Variants in GFRA1 observed in about 807,000 individuals in gnomAD.
The protein encoded by GFRA1 is GDNF family receptor alpha 1.
GFRA1 carries 16 observed loss-of-function variants against 51.6 expected under a neutral mutation model. The observed-to-expected ratio is 0.31, with a 90% confidence interval of 0.21 to 0.47. The LOEUF is 0.47. Ranked by LOEUF, GFRA1 falls within the 20% of genes least tolerant of loss-of-function variation. GFRA1 has a pLI of 1.00. For missense variants in GFRA1, 530 were observed against 594.3 expected (o/e 0.89, Z 1.13); for synonymous variants, 270 against 241.3 (o/e 1.12, Z -1.10).
At chr10:116,085,692 C>CT (rs1316720206) in intron 9 of GFRA1, among the ~76,000 whole-genome samples, 30 of 152,154 alleles carry the variant, frequency 2.0e-4, no homozygotes, top group Middle Eastern at 3.2e-3. Context: ...TCTCTCATCC[C>CT]CCCCATCCTC....
intron 5 of GFRA1, among the ~76,000 whole-genome samples, chr10:116,197,571 C>T (rs762414158): frequency 2.0e-5 from 3 of 152,054 alleles, no homozygotes; most frequent in East Asian, 1.9e-4. Context: ...ATATAATACA[C>T]GTGCACACAC....
At chr10:116,107,119 CA>C (rs1331380505) in intron 6 of GFRA1, among the ~76,000 whole-genome samples, 2 of 152,180 alleles carry the variant, frequency 1.3e-5, no homozygotes, top group Non-Finnish European at 2.9e-5. Flanking sequence ...CTCTTTATAG[CA>C]ATGCAAGAAT....
intron 3 of GFRA1, among the ~76,000 whole-genome samples, chr10:116,269,810 A>C (rs1843753163): frequency 6.6e-6 from 1 of 152,168 alleles, no homozygotes; most frequent in African/African-American, 2.4e-5. Context: ...ATTGGAGAAC[A>C]ACCCAGCCCT....
chr10:116,187,839 A>G (rs1431508990), intron 5 of GFRA1, among the ~76,000 whole-genome samples: 1 of 152,060 alleles, frequency 6.6e-6, no homozygotes, highest in Non-Finnish European at 1.5e-5. Flanking sequence ...AGGCAGCAGT[A>G]AGTTTGCGTT....
At chr10:116,147,600 A>G (rs1463621301) in intron 5 of GFRA1, among the ~76,000 whole-genome samples, 2 of 152,158 alleles carry the variant, frequency 1.3e-5, no homozygotes, top group Admixed American at 1.3e-4. Flanking sequence ...CATGTCAAAG[A>G]ATGACACAGA....
At chr10:116,112,847 C>T (rs1045704850) in intron 6 of GFRA1, among the ~76,000 whole-genome samples, 132 of 152,338 alleles carry the variant, frequency 8.7e-4, no homozygotes, top group African/African-American at 3.2e-3. Context: ...GCAGACATCC[C>T]ACAGCCTCAG....
Position 116,271,013 on chromosome 10 carries a change from G to A in GFRA1, c.143C>T (p.Thr48Met), listed in dbSNP as rs753551884. Residue 48 changes from threonine (T) to methionine (M), a missense_variant, in exon 3 of 11, where the codon ACG becomes ATG. Physicochemically the swap from Thr to Met is moderately conservative, Grantham distance 81 (BLOSUM62 -1). Coordinates refer to ENST00000355422, the MANE Select transcript of GFRA1 (RefSeq NM_005264.8). Reference protein sequence around the residue: ...KEQSCSTKYRTLRQCVAGKET... With the variant: ...KEQSCSTKYRMLRQCVAGKET... ...CTTGCCCGCCACGCACTGCCTTAGC[G>A]TGCGGTACTTGGTGCTGCAGCTCTG... 8.7e-6 allele frequency: 14 copies of A among 1,614,222 alleles called. No homozygotes were observed. The South Asian group carries it at 1.4e-4, about 16-fold the overall frequency.
At chr10:116,072,312 G>A (rs982135200) in intron 9 of GFRA1, among the ~76,000 whole-genome samples, 1 of 152,178 alleles carries the variant, frequency 6.6e-6, no homozygotes, top group Non-Finnish European at 1.5e-5. Context: ...AGTGTGGCCC[G>A]TGGAGTGGGT....
At chr10:116,092,375 G>A (rs375845141) in intron 8 of GFRA1, among the ~76,000 whole-genome samples, 29 of 152,122 alleles carry the variant, frequency 1.9e-4, no homozygotes, top group Non-Finnish European at 5.9e-5. Flanking sequence ...TGATGAGGAA[G>A]TTTTAGAGTA....
chr10:116,267,823 G>C (rs918240590), intron 4 of GFRA1, among the ~76,000 whole-genome samples: 3 of 152,178 alleles, frequency 2.0e-5, no homozygotes, highest in Non-Finnish European at 2.9e-5. Flanking sequence ...CAAAGGGACA[G>C]AAAGCACTAG....
chr10:116,209,320 T>C (rs1278209683), intron 5 of GFRA1, among the ~76,000 whole-genome samples: 1 of 152,154 alleles, frequency 6.6e-6, no homozygotes, highest in Non-Finnish European at 1.5e-5. Flanking sequence ...GAACATCTGA[T>C]GTTGTCAACT....
At chr10:116,186,570 TA>T (rs386372545) in intron 5 of GFRA1, among the ~76,000 whole-genome samples, 4,687 of 129,100 alleles carry the variant, frequency 0.036, 134 homozygotes, top group African/African-American at 0.1. Flanking sequence ...GAAAGGCTCT[TA>T]AAAAAAAAAA....
Position 116,084,869 on chromosome 10 carries a change from C to T in GFRA1, c.1197+4872G>A, listed in dbSNP as rs571238863. On this transcript the variant is annotated intron_variant, in intron 9 of 10. Transcript: ENST00000355422. ...CCAGCTACCAGACCACTCCAGTGCA[C>T]GGAAGATGAAGTAATTGATAGGATT... is the stretch of plus-strand genomic sequence containing the variant. Among the ~76,000 whole-genome samples, 25 of 151,596 alleles carry T rather than the reference C, an allele frequency of 1.6e-4. No homozygotes were observed. The East Asian group carries it at 3.5e-3, about 21-fold the overall frequency.
intron 5 of GFRA1, among the ~76,000 whole-genome samples, chr10:116,137,555 A>G (rs1029032138): frequency 6.6e-6 from 1 of 152,156 alleles, no homozygotes; most frequent in Non-Finnish European, 1.5e-5. Flanking sequence ...CAGCCCTGCA[A>G]CCATCACTCA....
At chr10:116,173,266 T>C (rs1195284606) in intron 5 of GFRA1, among the ~76,000 whole-genome samples, 2 of 152,174 alleles carry the variant, frequency 1.3e-5, no homozygotes, top group African/African-American at 4.8e-5. Context: ...GACCACTGCT[T>C]TTCCTGGTGG....
intron 5 of GFRA1, among the ~76,000 whole-genome samples, chr10:116,147,699 G>A (rs1958867906): frequency 6.6e-6 from 1 of 152,026 alleles, no homozygotes; most frequent in African/African-American, 2.4e-5. Context: ...TTTCCTTTAT[G>A]AACCACAGAG....
chr10:116,248,476 C>T (rs1465621178), intron 4 of GFRA1, among the ~76,000 whole-genome samples: 1 of 152,212 alleles, frequency 6.6e-6, no homozygotes, highest in East Asian at 1.9e-4. Context: ...CGAGTCACAA[C>T]TCACCTTCTG....
chr10:116,204,547 T>C (rs1176650687), intron 5 of GFRA1, among the ~76,000 whole-genome samples: 2 of 152,138 alleles, frequency 1.3e-5, no homozygotes, highest in Admixed American at 1.3e-4. Flanking sequence ...GTGGGAAATA[T>C]AAATGATGAG....
intron 6 of GFRA1, among the ~76,000 whole-genome samples, chr10:116,110,384 G>A (rs1957160833): frequency 2.0e-5 from 3 of 152,116 alleles, no homozygotes; most frequent in South Asian, 4.1e-4. Context: ...GAAGAAACAC[G>A]CCTGCAGGGC....
Sources: gnomAD v4.1 joint callset for allele counts (sites outside exome capture counted in the v4.1 genomes callset) on GRCh38, gnomAD v4.1.1 for gene constraint, MANE v1.5 for transcripts, NCBI Gene and HGNC (gene_info 2026-07-23, HGNC 2026-07-21) for gene names.